Variants in STARD13 observed in about 807,000 individuals in gnomAD.
The protein encoded by STARD13 is StAR related lipid transfer domain containing 13, also known as stAR-related lipid transfer protein 13.
Under a neutral mutation model 106.4 loss-of-function variants are expected in STARD13, and 62 were observed. That is an observed-to-expected ratio of 0.58 (90% CI 0.48 to 0.72). The LOEUF is 0.72. Ranked by LOEUF, STARD13 falls within the 30% of genes least tolerant of loss-of-function variation. STARD13 has a pLI of 0.00. For missense variants in STARD13, 1,387 were observed against 1,424.0 expected, an observed-to-expected ratio of 0.97 and a Z score of 0.42; for synonymous variants, 565 against 553.0, an observed-to-expected ratio of 1.02 and a Z score of -0.31.
the STARD13 span, among the ~76,000 whole-genome samples, chr13:33,372,577 G>A: frequency 6.6e-6 from 1 of 151,606 alleles, no homozygotes; most frequent in Non-Finnish European, 1.5e-5. Context: ...ATTATTCAAA[G>A]AGGTTTTATG....
downstream of STARD13, among the ~76,000 whole-genome samples, chr13:33,344,203 A>G (rs2077994586): frequency 6.6e-6 from 1 of 152,162 alleles, no homozygotes; most frequent in Non-Finnish European, 1.5e-5. Flanking sequence ...TACTTCTGAA[A>G]GGCTCCAAAT....
At chr13:33,592,298 A>G in the STARD13 span, among the ~76,000 whole-genome samples, 12 of 152,292 alleles carry the variant, frequency 7.9e-5, 3 homozygotes, top group South Asian at 2.5e-3. Flanking sequence ...ATTATCCTTT[A>G]GTTTGTATCA....
chr13:33,669,948 G>T, the STARD13 span, among the ~76,000 whole-genome samples: 126 of 152,314 alleles, frequency 8.3e-4, 2 homozygotes, highest in South Asian at 0.025. Context: ...CAGATTTGAA[G>T]ATTGTTCCTG....
At chr13:33,389,583 A>G in the STARD13 span, among the ~76,000 whole-genome samples, 2 of 152,180 alleles carry the variant, frequency 1.3e-5, no homozygotes, top group Admixed American at 1.3e-4. Flanking sequence ...ATCGTAAACT[A>G]CAGAGAACAT....
At chr13:33,545,981 C>T in the STARD13 span, among the ~76,000 whole-genome samples, 21 of 152,116 alleles carry the variant, frequency 1.4e-4, no homozygotes, top group Non-Finnish European at 2.9e-4. Context: ...TGTTAAATAA[C>T]CTTATTTTGT....
rs142044220 is a variant in STARD13, at chr13:33,270,532, A to T, written c.169+14938T>A. Among the ~76,000 whole-genome samples the T allele has an allele frequency of 2.0e-3, 303 of 152,292 alleles. 1 individual carries two copies. The highest frequency in any genetic ancestry group is 6.8e-3 in the African/African-American group (284 of 41,552). On this transcript the variant is annotated intron_variant, in intron 1 of 13. Coordinates refer to ENST00000336934, the MANE Select transcript of STARD13 (RefSeq NM_178006.4). ...CTCAATTATATTACAGAATAGTAGG[A>T]GCTAATAGTATTCCCATTTCATAGA...
chr13:33,660,874 G>A, the STARD13 span, among the ~76,000 whole-genome samples: 1 of 152,168 alleles, frequency 6.6e-6, no homozygotes, highest in Non-Finnish European at 1.5e-5. Flanking sequence ...GTGAACCACT[G>A]TGCCTGGCCT....
At chr13:33,321,541 A>G (rs1893560982) in intron 1 of STARD13, among the ~76,000 whole-genome samples, 1 of 151,876 alleles carries the variant, frequency 6.6e-6, no homozygotes, top group South Asian at 2.1e-4. Context: ...AATAAAAGCC[A>G]ACACTTTAAG....
rs1873572433 is a variant in STARD13, at chr13:33,105,537, C to T, written c.*56G>A. The T allele has an allele frequency of 8.1e-7, 1 of 1,238,254 alleles. No homozygotes were observed. Among genetic ancestry groups the T allele is most frequent in the Non-Finnish European group, 1.2e-6 (1 of 837,308 alleles). 76.7% of individuals were successfully genotyped at this position (1,238,254 alleles called of 1,614,324 possible). On this transcript the variant is annotated 3_prime_UTR_variant, in exon 14 of 14. Transcript: ENST00000336934. ...GCTTTCTCACATGCACACTCTCTGC[C>T]ACACTCGTCACTTTAGCTTCCTCTT... is the stretch of plus-strand genomic sequence containing the variant.
At chr13:33,262,666 C>A (rs1250897050) in intron 1 of STARD13, among the ~76,000 whole-genome samples, 2 of 141,674 alleles carry the variant, frequency 1.4e-5, no homozygotes, top group African/African-American at 5.3e-5. Flanking sequence ...ACACACAACA[C>A]ACACACACAC....
At chr13:33,288,166 G>C (rs1390970579), upstream of STARD13, among the ~76,000 whole-genome samples, 3 of 152,046 alleles carry the variant, frequency 2.0e-5, no homozygotes, top group African/African-American at 7.2e-5. Context: ...TGTGTTGAAA[G>C]TGCTGGGGTG....
the STARD13 span, among the ~76,000 whole-genome samples, chr13:33,629,094 T>C: frequency 1.3e-5 from 2 of 152,240 alleles, no homozygotes; most frequent in African/African-American, 2.4e-5. Flanking sequence ...GAGACAGCTC[T>C]ACTTCTTGTA....
chr13:33,279,565 C>T (rs1353218574), intron 1 of STARD13: 2 of 152,192 alleles, frequency 1.3e-5, no homozygotes, highest in African/African-American at 2.4e-5. Context: ...CAGAAGAAGG[C>T]ACAAGGCAAA....
the STARD13 span, among the ~76,000 whole-genome samples, chr13:33,497,327 T>C: frequency 1.3e-5 from 2 of 152,184 alleles, no homozygotes; most frequent in African/African-American, 4.8e-5. Flanking sequence ...CTGAGTAATA[T>C]TAGTCATCTA....
intron 1 of STARD13, among the ~76,000 whole-genome samples, chr13:33,221,828 T>C (rs1789874866): frequency 6.6e-6 from 1 of 152,176 alleles, no homozygotes; most frequent in Non-Finnish European, 1.5e-5. Flanking sequence ...GGTATATACA[T>C]ACAATGAAAT....
chr13:33,565,542 A>G, the STARD13 span, among the ~76,000 whole-genome samples: 2 of 148,212 alleles, frequency 1.3e-5, 1 homozygote, highest in Non-Finnish European at 3.0e-5. Flanking sequence ...ATAGAGGGCT[A>G]CACTGGTAAA....
intron 4 of STARD13, among the ~76,000 whole-genome samples, chr13:33,136,399 G>A (rs916504516): frequency 6.6e-6 from 1 of 152,180 alleles, no homozygotes; most frequent in African/African-American, 2.4e-5. Flanking sequence ...GCAGCTTCCT[G>A]GTGAAACCCC....
chr13:33,383,098 C>G, the STARD13 span, among the ~76,000 whole-genome samples: 1 of 152,168 alleles, frequency 6.6e-6, no homozygotes, highest in African/African-American at 2.4e-5. Flanking sequence ...ATCAAACTTT[C>G]AAAATTTATT....
chr13:33,235,530 G>A (rs1449484741), intron 1 of STARD13, among the ~76,000 whole-genome samples: 1 of 152,148 alleles, frequency 6.6e-6, no homozygotes, highest in African/African-American at 2.4e-5. Context: ...CTGCTAAGTT[G>A]TTAGGACATA....
Sources: allele counts gnomAD v4.1 joint callset (sites outside exome capture counted in the v4.1 genomes callset), GRCh38; gene constraint gnomAD v4.1.1; transcripts MANE v1.5; gene names NCBI Gene and HGNC (gene_info 2026-07-23, HGNC 2026-07-21).